The following BFSP2 variants were observed in gnomAD, a reference collection of about 807,000 sequenced individuals.
The protein encoded by BFSP2 is phakinin.
In BFSP2, 38 loss-of-function variants were observed where a neutral mutation model predicts 44.9. The observed-to-expected ratio is 0.85, with a 90% CI of 0.65 to 1.11. BFSP2 has a LOEUF of 1.11. Among genes scored for constraint, BFSP2 ranks in the 50% least tolerant of loss-of-function variants. The probability of loss-of-function intolerance (pLI) is 0.00; values close to 1 mark genes in which losing one functional copy is unlikely to be tolerated. For missense variants in BFSP2, 525 were observed against 533.0 expected, an observed-to-expected ratio of 0.99 and a Z score of 0.15; for synonymous variants, 197 against 209.9, an observed-to-expected ratio of 0.94 and a Z score of 0.53.
rs187604922 is a variant in BFSP2 at position 133,468,693 on chromosome 3, A to T, written c.1023+1734A>T. On this transcript the variant is annotated intron_variant, in intron 5 of 6. Transcript: ENST00000302334. ...AACACCTGGGCTCGAAAGTCTCTGGACATCACTTATACCACATTCTAGTGG... is the reference window on the plus strand; with the variant it reads ...AACACCTGGGCTCGAAAGTCTCTGGTCATCACTTATACCACATTCTAGTGG... 1.2e-4 allele frequency among the ~76,000 whole-genome samples: 18 copies of T among 152,346 alleles called. No individual in the cohort carries two copies. In the East Asian group the frequency reaches 3.5e-3, roughly 29 times the overall value.
intron 4 of BFSP2, among the ~76,000 whole-genome samples, chr3:133,455,982 T>C (rs537712173): frequency 1.3e-5 from 2 of 152,280 alleles, no homozygotes; most frequent in African/African-American, 4.8e-5. Flanking sequence ...ACACTTTCAT[T>C]CCCAGAGGCC....
chr3:133,422,583 T>G (rs1328373967), intron 1 of BFSP2, among the ~76,000 whole-genome samples: 1 of 152,172 alleles, frequency 6.6e-6, no homozygotes, highest in Non-Finnish European at 1.5e-5. Context: ...CTCTGAGCAG[T>G]GGATGAAGCC....
chr3:133,412,411 T>C (rs2073463599), intron 1 of BFSP2: 1 of 152,270 alleles, frequency 6.6e-6, no homozygotes, highest in Admixed American at 6.5e-5. Context: ...ATACATTAAG[T>C]GAGCAGTAAC....
intron 4 of BFSP2, among the ~76,000 whole-genome samples, chr3:133,464,763 GTAT>G (rs1366157165): frequency 6.6e-6 from 1 of 152,178 alleles, no homozygotes; most frequent in Non-Finnish European, 1.5e-5. Flanking sequence ...ATGATAATGA[GTAT>G]TATTCTCCAT....
chr3:133,474,851 A>G (rs1296472901), intron 6 of BFSP2, 118 bp from the exon 7 acceptor site: 2 of 1,372,040 alleles, frequency 1.5e-6, no homozygotes, highest in Non-Finnish European at 2.1e-6. Context: ...ACCCAAAACT[A>G]TCTTGTTCCA....
chr3:133,451,429 T>A (rs2073964838), intron 4 of BFSP2, among the ~76,000 whole-genome samples: 1 of 152,254 alleles, frequency 6.6e-6, no homozygotes, highest in African/African-American at 2.4e-5. Context: ...TTGGGCCAGA[T>A]GGCCTCTGTT....
rs112391326 is a variant in BFSP2 at position 133,434,646 on chromosome 3, C to T, written c.490-12671C>T. ...CAAAAGAAGTGAATATGCCCTGCCCCACCTTAACTGATGATATTCCACCAC... is the reference window on the plus strand; with the variant it reads ...CAAAAGAAGTGAATATGCCCTGCCCTACCTTAACTGATGATATTCCACCAC... On this transcript the variant is annotated intron_variant, in intron 1 of 6. Transcript: ENST00000302334. Among the ~76,000 whole-genome samples, 666 of 152,216 alleles carry T rather than the reference C, an allele frequency of 4.4e-3. 4 individuals are homozygous for T. Among genetic ancestry groups the T allele is most frequent in the African/African-American group, 0.015 (635 of 41,532 alleles).
intron 5 of BFSP2, among the ~76,000 whole-genome samples, chr3:133,469,793 G>A (rs1422363496): frequency 1.3e-5 from 2 of 152,234 alleles, no homozygotes; most frequent in African/African-American, 2.4e-5. Flanking sequence ...GACTTTAAGG[G>A]TGAGATGGAA....
At chr3:133,428,769 C>A (rs568641655) in intron 1 of BFSP2, among the ~76,000 whole-genome samples, 1 of 152,200 alleles carries the variant, frequency 6.6e-6, no homozygotes, top group Admixed American at 6.5e-5. Context: ...GCAGTCACCC[C>A]GCCCACTGTT....
At chr3:133,420,576 C>G (rs1247951070) in intron 1 of BFSP2, among the ~76,000 whole-genome samples, 1 of 152,156 alleles carries the variant, frequency 6.6e-6, no homozygotes, top group Non-Finnish European at 1.5e-5. Flanking sequence ...GGTGAGAATA[C>G]TCTGGTCTAG....
At chr3:133,428,628 G>T (rs1450646336) in intron 1 of BFSP2, among the ~76,000 whole-genome samples, 1 of 152,136 alleles carries the variant, frequency 6.6e-6, no homozygotes, top group African/African-American at 2.4e-5. Flanking sequence ...TCTGATGTTG[G>T]CAAGTGCCCA....
At chr3:133,467,550 C>T (rs2074123909) in intron 5 of BFSP2, among the ~76,000 whole-genome samples, 2 of 152,096 alleles carry the variant, frequency 1.3e-5, no homozygotes, top group Non-Finnish European at 2.9e-5. Context: ...TTCTGGAGAA[C>T]CCAACCTGAG....
At chr3:133,453,356 C>A (rs1183534450) in intron 4 of BFSP2, among the ~76,000 whole-genome samples, 2 of 152,174 alleles carry the variant, frequency 1.3e-5, no homozygotes. Context: ...CCTTTCGGAC[C>A]ACAGAGGCTG....
At chr3:133,465,042 G>C (rs2074097690) in intron 4 of BFSP2, among the ~76,000 whole-genome samples, 2 of 137,522 alleles carry the variant, frequency 1.5e-5, no homozygotes, top group Non-Finnish European at 3.1e-5. Flanking sequence ...GAGTCTCACT[G>C]TCACCCAGGC....
At chr3:133,464,406 A>G (rs988797462) in intron 4 of BFSP2, among the ~76,000 whole-genome samples, 4 of 152,222 alleles carry the variant, frequency 2.6e-5, no homozygotes, top group African/African-American at 9.6e-5. Flanking sequence ...TATGAGGATA[A>G]TAATGACATC....
intron 1 of BFSP2, among the ~76,000 whole-genome samples, chr3:133,422,240 T>C (rs1181367221): frequency 1.3e-5 from 2 of 152,092 alleles, no homozygotes; most frequent in African/African-American, 4.8e-5. Flanking sequence ...GCCACTAAGC[T>C]GCTGTGTGAC....
At chr3:133,439,700 A>G (rs1332081900) in intron 1 of BFSP2, among the ~76,000 whole-genome samples, 2 of 152,190 alleles carry the variant, frequency 1.3e-5, no homozygotes, top group Admixed American at 1.3e-4. Context: ...CAGAAAAGTA[A>G]CTCAGTTCAT....
Position 133,448,558 on chromosome 3 carries a change from T to A in BFSP2, c.642T>A (p.Asp214Glu). 1 of 1,614,120 alleles carries A rather than the reference T, an allele frequency of 6.2e-7. No homozygotes were observed. The highest frequency in any genetic ancestry group is 1.1e-5 in the South Asian group (1 of 91,070). ...EEINSLYKVIDEANLTKMDLE... is the reference protein window; with the variant it reads ...EEINSLYKVIEEANLTKMDLE... The stretch of plus-strand genomic sequence containing the variant: ...TTAACTCTCTGTATAAAGTCATTGA[T>A]GAGGCTAATTTGACTAAAATGGACC... Residue 214 changes from aspartate to glutamate, a missense_variant, in exon 3 of 7, where the codon GAT becomes GAA. Physicochemically the swap from Asp to Glu is conservative, Grantham distance 45. Coordinates refer to ENST00000302334, the MANE Select transcript of BFSP2 (RefSeq NM_003571.4).
intron 3 of BFSP2, 43 bp downstream of exon 3, chr3:133,448,688 A>G (rs1576586718): frequency 6.2e-7 from 1 of 1,606,264 alleles, no homozygotes; most frequent in East Asian, 2.2e-5. Context: ...CAAGACCAGA[A>G]GTTCACATCT....
Sources: gnomAD v4.1 joint callset for allele counts (sites outside exome capture counted in the v4.1 genomes callset) on GRCh38, gnomAD v4.1.1 for gene constraint, MANE v1.5 for transcripts, NCBI Gene and HGNC (gene_info 2026-07-23, HGNC 2026-07-21) for gene names.